SPATS2: variants seen among roughly 807,000 people sequenced by gnomAD.
SPATS2 encodes spermatogenesis-associated serine-rich protein 2.
Under a neutral mutation model 63.7 loss-of-function variants are expected in SPATS2, and 38 were observed. The ratio of observed to expected loss-of-function variants is 0.60; its 90% confidence interval spans 0.46 to 0.78. The LOEUF is 0.78. Among genes scored for constraint, SPATS2 ranks in the 30% least tolerant of loss-of-function variants. SPATS2 has a pLI of 0.00. For synonymous variants in SPATS2, 207 were observed against 232.9 expected (o/e 0.89, Z 1.01); for missense variants, 588 against 666.2 (o/e 0.88, Z 1.29).
intron 3 of SPATS2, 91 bp from the exon 4 acceptor site, chr12:49,484,499 A>T: frequency 8.1e-7 from 1 of 1,231,044 alleles, no homozygotes. Flanking sequence ...TAATTGTTTT[A>T]TGGGACGAAA....
chr12:49,424,835 A>G (rs1945044239), intron 2 of SPATS2, among the ~76,000 whole-genome samples: 2 of 152,056 alleles, frequency 1.3e-5, no homozygotes, highest in South Asian at 4.2e-4. Context: ...ACCCACCACC[A>G]CGCCCAGCTA....
intron 9 of SPATS2, among the ~76,000 whole-genome samples, chr12:49,509,752 C>T (rs1002625345): frequency 2.0e-5 from 3 of 147,526 alleles, no homozygotes; most frequent in African/African-American, 5.1e-5. Context: ...TGGAGGTAGA[C>T]GTTGCAGTGA....
intron 9 of SPATS2, among the ~76,000 whole-genome samples, chr12:49,504,689 G>A (rs527549566): frequency 1.1e-3 from 163 of 149,330 alleles, no homozygotes; most frequent in South Asian, 8.3e-3. Context: ...TTATGGTTAA[G>A]GTTTTGAAAT....
At position 49,416,847 on chromosome 12, in the gene SPATS2, A is replaced by C. The variant is rs551145695; in HGVS notation, c.-243-43923A>C. ...GTGCCCCTTCTGTTGCATTCCCTTC[A>C]TGGGGAGAAGAATGAGACTCTACCT... On this transcript the variant is annotated intron_variant, in intron 2 of 13. Transcript: ENST00000552918. 2.6e-5 allele frequency among the ~76,000 whole-genome samples: 4 copies of C among 152,238 alleles called. No individual in the cohort carries two copies. The East Asian group carries it at 7.7e-4, about 29-fold the overall frequency.
At chr12:49,510,705 T>G (rs1409727771) in intron 9 of SPATS2, among the ~76,000 whole-genome samples, 1 of 152,220 alleles carries the variant, frequency 6.6e-6, no homozygotes, top group African/African-American at 2.4e-5. Flanking sequence ...GTTTCCATTT[T>G]AATATTATTT....
intron 4 of SPATS2, among the ~76,000 whole-genome samples, chr12:49,488,423 T>C (rs1346280460): frequency 6.6e-6 from 1 of 151,414 alleles, no homozygotes; most frequent in Non-Finnish European, 1.5e-5. Flanking sequence ...CTTTGGGAGG[T>C]GGAGGCAGGC....
intron 10 of SPATS2, among the ~76,000 whole-genome samples, chr12:49,517,021 T>C (rs1946862575): frequency 6.6e-6 from 1 of 152,254 alleles, no homozygotes; most frequent in South Asian, 2.1e-4. Context: ...GTTTGTAGTA[T>C]TTCAATCTTT....
intron 2 of SPATS2, chr12:49,442,652 A>C (rs1307082827): frequency 1.3e-5 from 2 of 152,766 alleles, no homozygotes; most frequent in Non-Finnish European, 2.9e-5. Context: ...AACCTTGTGG[A>C]TAGAGATGGA....
At chr12:49,391,240 G>A (rs1320267464) in intron 2 of SPATS2, among the ~76,000 whole-genome samples, 14 of 152,266 alleles carry the variant, frequency 9.2e-5, no homozygotes, top group Middle Eastern at 6.8e-3. Flanking sequence ...TATGCCGGGC[G>A]CGGTGGCTCA....
chr12:49,376,327 T>C (rs1314934356), intron 2 of SPATS2, among the ~76,000 whole-genome samples: 3 of 151,812 alleles, frequency 2.0e-5, no homozygotes, highest in Non-Finnish European at 4.4e-5. Context: ...GGTCTTGAAC[T>C]CCTGACCTCA....
chr12:49,495,475 G>A (rs892849214), intron 7 of SPATS2, among the ~76,000 whole-genome samples: 1 of 152,030 alleles, frequency 6.6e-6, no homozygotes, highest in African/African-American at 2.4e-5. Flanking sequence ...GGGATTACAG[G>A]CGTTGCCCAC....
intron 2 of SPATS2, among the ~76,000 whole-genome samples, chr12:49,450,136 T>C (rs1945592517): frequency 6.6e-6 from 1 of 152,138 alleles, no homozygotes; most frequent in Admixed American, 6.5e-5. Context: ...ACTTTCAATC[T>C]CTCTGTGTTT....
chr12:49,516,169 ATATATATATATATATAT>A (rs1946843893), intron 10 of SPATS2, among the ~76,000 whole-genome samples: 3 of 11,604 alleles, frequency 2.6e-4, no homozygotes, highest in East Asian at 3.8e-3. Flanking sequence ...AAAAAAAAAT[ATATATATATATATATAT>A]ATATATATAT....
chr12:49,476,080 T>C (rs1476013438), intron 3 of SPATS2, among the ~76,000 whole-genome samples: 1 of 152,100 alleles, frequency 6.6e-6, no homozygotes, highest in Non-Finnish European at 1.5e-5. Context: ...TGGCCAAATG[T>C]TGCATTTCCC....
intron 2 of SPATS2, among the ~76,000 whole-genome samples, chr12:49,407,688 T>C (rs1211467656): frequency 6.6e-6 from 1 of 152,206 alleles, no homozygotes; most frequent in Non-Finnish European, 1.5e-5. Flanking sequence ...GTAGCACTTA[T>C]CTGGATCTGA....
intron 2 of SPATS2, among the ~76,000 whole-genome samples, chr12:49,395,425 G>C (rs1944491435): frequency 7.0e-6 from 1 of 143,488 alleles, no homozygotes; most frequent in African/African-American, 2.8e-5. Flanking sequence ...TTGTTTTTCA[G>C]ATTTTTTTTT....
intron 3 of SPATS2, among the ~76,000 whole-genome samples, chr12:49,474,791 G>GT (rs935849622): frequency 1.3e-5 from 2 of 152,060 alleles, no homozygotes; most frequent in African/African-American, 2.4e-5. Flanking sequence ...GTATTAGTCT[G>GT]TTTTTTTGCT....
At chr12:49,371,044 A>G (rs747878571) in intron 1 of SPATS2, among the ~76,000 whole-genome samples, 184 bp from the exon 2 acceptor site, 6 of 152,210 alleles carry the variant, frequency 3.9e-5, no homozygotes, top group African/African-American at 7.2e-5. Context: ...TTATTGTGGT[A>G]AACTATACAT....
chr12:49,481,781 T>G (rs1946211048), intron 3 of SPATS2, among the ~76,000 whole-genome samples: 1 of 152,048 alleles, frequency 6.6e-6, no homozygotes, highest in African/African-American at 2.4e-5. Flanking sequence ...CTCATATTCT[T>G]TATGAATCTT....
Sources: allele counts gnomAD v4.1 joint callset (sites outside exome capture counted in the v4.1 genomes callset), GRCh38; gene constraint gnomAD v4.1.1; transcripts MANE v1.5; gene names NCBI Gene and HGNC (gene_info 2026-07-23, HGNC 2026-07-21).